CCL13: variants seen among roughly 807,000 people sequenced by gnomAD.
The protein encoded by CCL13 is C-C motif chemokine ligand 13, also known as C-C motif chemokine 13.
Under a neutral mutation model 6.6 loss-of-function variants are expected in CCL13, and 5 were observed. That is an observed-to-expected ratio of 0.76 (90% CI 0.40 to 1.60). The LOEUF (loss-of-function observed/expected upper bound fraction) is 1.60. Among genes scored for constraint, CCL13 ranks in the 40% most tolerant of loss-of-function variants. The probability of loss-of-function intolerance (pLI) is 0.02; values close to 1 mark genes in which losing one functional copy is unlikely to be tolerated. For missense variants in CCL13, 117 were observed against 114.2 expected (o/e 1.02, Z -0.11); for synonymous variants, 39 against 43.0 (o/e 0.91, Z 0.37).
intron 2 of CCL13, among the ~76,000 whole-genome samples, 178 bp downstream of exon 2, chr17:34,357,767 A>G (rs1005020925): frequency 2.6e-5 from 4 of 152,164 alleles, no homozygotes; most frequent in Non-Finnish European, 4.4e-5. Flanking sequence ...GAGGACCTAT[A>G]ATTTCCCACA....
chr17:34,357,744 C>T (rs1910390214), intron 2 of CCL13, among the ~76,000 whole-genome samples, 155 bp downstream of exon 2: 1 of 152,202 alleles, frequency 6.6e-6, no homozygotes. Flanking sequence ...TTTGGCTGCA[C>T]AACAGGTCCA....
rs1204556379 is a variant in CCL13, at chr17:34,358,040, T to C, written c.206T>C (p.Leu69Pro). 4.3e-6 allele frequency: 7 copies of C among 1,612,760 alleles called. No individual in the cohort carries two copies. Among genetic ancestry groups the C allele is most frequent in the Admixed American group, 1.7e-5 (1 of 59,768 alleles). ...PQKAVIFRTK[L>P]GKEICADPKE... ...TTCCTCCACAGCTTCAGAACCAAAC[T>C]GGGCAAGGAGATCTGTGCTGACCCA... The change falls in exon 3 of 3, where the codon CTG becomes CCG. Residue 69 changes from leucine to proline, a missense_variant. Physicochemically the swap from Leu to Pro is moderately conservative, Grantham distance 98. Transcript: ENST00000225844.
Position 34,357,605 on chromosome 17 carries a change from C to T in CCL13, c.191+16C>T. ...AGGCTGTCATGTGGGTAGAAAAATC[C>T]CTGCTCACCTGGCTCCTCCCCACTC... On this transcript the variant is annotated intron_variant, in intron 2 of 2. Transcript: ENST00000225844. 6.8e-7 allele frequency: 1 copy of T among 1,478,200 alleles called. No homozygotes were observed. The highest frequency in any genetic ancestry group is 1.1e-5 in the South Asian group (1 of 87,944). 91.6% of individuals were successfully genotyped at this position (1,478,200 alleles called of 1,614,324 possible).
In CCL13 at chr17:34,358,500, A is replaced by C. The variant is rs950307999; in HGVS notation, c.*369A>C. On this transcript the variant is annotated 3_prime_UTR_variant, in exon 3 of 3. Coordinates refer to ENST00000225844, the MANE Select transcript of CCL13 (RefSeq NM_005408.3). Reference sequence around the variant, plus strand: ...GAAGGGATGCTGCAATGTAGGAAGGAGAGCTCTTTGTGAATGTGAGGTGTT... The same window carrying C: ...GAAGGGATGCTGCAATGTAGGAAGGCGAGCTCTTTGTGAATGTGAGGTGTT... 4 of 279,198 alleles carry C rather than the reference A, an allele frequency of 1.4e-5. No homozygotes were observed. The highest frequency in any genetic ancestry group is 2.0e-5 in the Non-Finnish European group (3 of 147,552). 17.3% of individuals were successfully genotyped at this position (279,198 alleles called of 1,614,324 possible). A position where few individuals can be genotyped will look rare whatever the true frequency, so the allele number is the denominator to read the frequency against.
At chr17:34,357,065 T>C (rs956308746) in intron 1 of CCL13, among the ~76,000 whole-genome samples, 8 of 152,220 alleles carry the variant, frequency 5.3e-5, no homozygotes, top group Middle Eastern at 3.2e-3. Context: ...CTGAAGCCCA[T>C]GTTGGAGGCA....
At chr17:34,356,826 C>T (rs774831898) in intron 1 of CCL13, among the ~76,000 whole-genome samples, 2 of 152,150 alleles carry the variant, frequency 1.3e-5, no homozygotes, top group Non-Finnish European at 2.9e-5. Flanking sequence ...AGGCACCCGC[C>T]ATCACGTGCA....
At position 34,358,581 on chromosome 17, in the gene CCL13, C is replaced by A. The variant is rs1354122843; in HGVS notation, c.*450C>A. The A allele has an allele frequency of 4.5e-6, 1 of 221,396 alleles. No homozygotes were observed. Among genetic ancestry groups the A allele is most frequent in the Non-Finnish European group, 8.8e-6 (1 of 113,522 alleles). 13.7% of individuals were successfully genotyped at this position (221,396 alleles called of 1,614,324 possible). ...CAATAGTAGGACTGCTGACATTTTG[C>A]AGAAAATACATTTTATTTAAAATCT... On this transcript the variant is annotated 3_prime_UTR_variant, in exon 3 of 3. Transcript: ENST00000225844.
At position 34,358,155 on chromosome 17, in the gene CCL13, A is replaced by C; in HGVS notation, c.*24A>C. The C allele has an allele frequency of 6.6e-6, 10 of 1,509,052 alleles. No individual in the cohort carries two copies. Among genetic ancestry groups the C allele is most frequent in the Non-Finnish European group, 9.2e-6 (10 of 1,084,482 alleles). 93.5% of individuals were successfully genotyped at this position (1,509,052 alleles called of 1,614,324 possible). On this transcript the variant is annotated 3_prime_UTR_variant, in exon 3 of 3. Transcript: ENST00000225844. ...GAACTCTGCTACCCCTACTGAAATC[A>C]AGCTGGAGTACGTGAAATGACTTTT...
intron 2 of CCL13, 105 bp downstream of exon 2, chr17:34,357,694 G>C (rs1012447754): frequency 2.7e-6 from 2 of 750,230 alleles, no homozygotes; most frequent in African/African-American, 3.5e-5. Flanking sequence ...GAGATCTTAG[G>C]ATGAGATCTA....
intron 1 of CCL13, 151 bp downstream of exon 1, chr17:34,356,753 C>G: frequency 1.8e-6 from 1 of 555,432 alleles, no homozygotes; most frequent in South Asian, 2.4e-5. Flanking sequence ...TGGCTCATTG[C>G]AACCTTCACC....
chr17:34,356,500 T>C lies in CCL13; in HGVS notation c.-27T>C, dbSNP rs370367733. On this transcript the variant is annotated 5_prime_UTR_variant, in exon 1 of 3. Coordinates refer to ENST00000225844, the MANE Select transcript of CCL13 (RefSeq NM_005408.3). ...GGAGCAGAGAGGCAAAGAAACATTG[T>C]GAAATCTCCAACTCTTAACCTTCAA... 61 of 1,567,094 alleles carry C rather than the reference T, an allele frequency of 3.9e-5. No individual in the cohort carries two copies. Among genetic ancestry groups the C allele is most frequent in the East Asian group, 1.4e-4 (6 of 44,300 alleles).
At chr17:34,357,621 C>T (rs1230611694) in intron 2 of CCL13, 32 bp downstream of exon 2, 1 of 1,287,190 alleles carries the variant, frequency 7.8e-7, no homozygotes, top group South Asian at 1.2e-5. Context: ...CACCTGGCTC[C>T]TCCCCACTCC....
chr17:34,356,648 C>T (rs769864937), intron 1 of CCL13, 46 bp downstream of exon 1: 1 of 1,404,014 alleles, frequency 7.1e-7, no homozygotes, highest in Admixed American at 1.7e-5. Flanking sequence ...CTCTGTTTCT[C>T]TATTCAAGGA....
rs1910410100 is a variant in CCL13, at chr17:34,358,363, A to G, written c.*232A>G. The stretch of plus-strand genomic sequence containing the variant: ...TGATCTTTTCTAAAGCAAGGCCTTG[A>G]GCAAGTAGGTTGCTGTCTCTAAGCC... On this transcript the variant is annotated 3_prime_UTR_variant, in exon 3 of 3. Transcript: ENST00000225844. 2 of 494,912 alleles carry G rather than the reference A, an allele frequency of 4.0e-6. No homozygotes were observed. The highest frequency in any genetic ancestry group is 4.6e-5 in the South Asian group (2 of 43,876). The allele number at this position is 494,912 out of a possible 1,614,324, so 30.7% of individuals were successfully genotyped here.
In CCL13 at chr17:34,357,573, C is replaced by A. The variant is rs1421801292; in HGVS notation, c.175C>A (p.Pro59Thr). Residue 59 changes from proline (P) to threonine (T), a missense_variant, in exon 2 of 3, where the codon CCC (proline) becomes ACC (threonine). By Grantham distance (38) the Pro-to-Thr change is conservative. Transcript: ENST00000225844. ...KSYVITTSRCPQKAVIFRTKL... is the reference protein window; with the variant it reads ...KSYVITTSRCTQKAVIFRTKL... ...CTATGTGATCACCACCAGCAGGTGTCCCCAGAAGGCTGTCATGTGGGTAGA... is the reference window on the plus strand; with the variant it reads ...CTATGTGATCACCACCAGCAGGTGTACCCAGAAGGCTGTCATGTGGGTAGA... 1 of 1,608,120 alleles carries A rather than the reference C, an allele frequency of 6.2e-7. No individual in the cohort carries two copies. Among genetic ancestry groups the A allele is most frequent in the Non-Finnish European group, 8.5e-7 (1 of 1,174,862 alleles).
intron 1 of CCL13, 26 bp downstream of exon 1, chr17:34,356,628 CT>C: frequency 6.6e-7 from 1 of 1,506,912 alleles, no homozygotes; most frequent in Non-Finnish European, 9.2e-7. Flanking sequence ...TCGACTCTCC[CT>C]CTCTTTCCCT....
In CCL13 at chr17:34,358,279, T is replaced by A; in HGVS notation, c.*148T>A. ...TTTGTGATTCAAAATGTACTATGTG[T>A]TAAGTAATATTGGCTATTATTTGAC... On this transcript the variant is annotated 3_prime_UTR_variant, in exon 3 of 3. Transcript: ENST00000225844. 1 of 656,738 alleles carries A rather than the reference T, an allele frequency of 1.5e-6. No homozygotes were observed. The highest frequency in any genetic ancestry group is 2.8e-5 in the Admixed American group (1 of 35,602). The allele number at this position is 656,738 out of a possible 1,614,324, so 40.7% of individuals were successfully genotyped here.
At chr17:34,357,960 G>A (rs761366124) in intron 2 of CCL13, 66 bp from the exon 3 acceptor site, 53 of 1,144,032 alleles carry the variant, frequency 4.6e-5, no homozygotes, top group Non-Finnish European at 6.7e-5. Context: ...AGAACCCAGT[G>A]TGTCATCTCC....
At chr17:34,357,942 G>T in intron 2 of CCL13, 84 bp from the exon 3 acceptor site, 1 of 904,846 alleles carries the variant, frequency 1.1e-6, no homozygotes, top group Non-Finnish European at 1.8e-6. Context: ...GGTGGACCAG[G>T]CAGGTTTAGA....
Sources: allele counts gnomAD v4.1 joint callset (sites outside exome capture counted in the v4.1 genomes callset), GRCh38; gene constraint gnomAD v4.1.1; transcripts MANE v1.5; gene names NCBI Gene and HGNC (gene_info 2026-07-23, HGNC 2026-07-21).